Variants in CLYBL observed in about 807,000 individuals in gnomAD.
The protein encoded by CLYBL is citramalyl-CoA lyase.
CLYBL carries 31 observed loss-of-function variants against 38.9 expected under a neutral mutation model. That is an observed-to-expected ratio of 0.80 (90% CI 0.60 to 1.08). The LOEUF (loss-of-function observed/expected upper bound fraction) is 1.08. Among genes scored for constraint, CLYBL ranks in the 50% least tolerant of loss-of-function variants. CLYBL has a pLI of 0.00. For missense variants in CLYBL, 434 were observed against 411.6 expected, an observed-to-expected ratio of 1.05 and a Z score of -0.47; for synonymous variants, 171 against 158.6, an observed-to-expected ratio of 1.08 and a Z score of -0.59.
intron 2 of CLYBL, among the ~76,000 whole-genome samples, chr13:99,855,151 G>A (rs1383340234): frequency 3.9e-5 from 6 of 151,932 alleles, no homozygotes; most frequent in Non-Finnish European, 8.8e-5. Flanking sequence ...GTCATTTCCA[G>A]CTTGTCAGAT....
rs1235818934 is a variant in CLYBL, at chr13:99,849,912, G to A, written c.250-8949G>A. On this transcript the variant is annotated intron_variant, in intron 2 of 8. Transcript: ENST00000339105. The surrounding 1 kb of genome is among the most constrained non-coding windows in gnomAD (Gnocchi z 4.9). The stretch of plus-strand genomic sequence containing the variant: ...TTTTCTCTTTCCTGGGAATTTCATT[G>A]TATTTTGTTGAAAAATAAGGTGTGA... 1.3e-5 allele frequency among the ~76,000 whole-genome samples: 2 copies of A among 152,130 alleles called. No homozygotes were observed. The highest frequency in any genetic ancestry group is 1.3e-4 in the Admixed American group (2 of 15,272).
chr13:99,800,860 T>TGAGA (rs775517069), intron 2 of CLYBL, among the ~76,000 whole-genome samples: 1 of 142,008 alleles, frequency 7.0e-6, no homozygotes. Flanking sequence ...GGCGGCAGAG[T>TGAGA]GAGACCCTGT....
At chr13:99,776,142 T>G (rs1460300375) in intron 2 of CLYBL, among the ~76,000 whole-genome samples, 1 of 145,068 alleles carries the variant, frequency 6.9e-6, no homozygotes, top group South Asian at 2.2e-4. Flanking sequence ...CCAGCCTGGG[T>G]GACAGAGCAA....
chr13:99,825,183 A>G (rs988368074), intron 2 of CLYBL, among the ~76,000 whole-genome samples: 1 of 152,198 alleles, frequency 6.6e-6, no homozygotes, highest in Non-Finnish European at 1.5e-5. Context: ...TTAACAAGCA[A>G]CAAGCCCTGG....
At chr13:99,822,713 T>C (rs998249821) in intron 2 of CLYBL, among the ~76,000 whole-genome samples, 2 of 152,234 alleles carry the variant, frequency 1.3e-5, no homozygotes, top group African/African-American at 4.8e-5. Context: ...CCCCAAAGTG[T>C]TGAGGAATTG....
intron 3 of CLYBL, among the ~76,000 whole-genome samples, chr13:99,860,151 A>G (rs1381299483): frequency 6.6e-6 from 1 of 152,046 alleles, no homozygotes; most frequent in Non-Finnish European, 1.5e-5. Flanking sequence ...CAAAATACAC[A>G]CTCGATTTTG....
intron 1 of CLYBL, among the ~76,000 whole-genome samples, chr13:99,697,226 G>A (rs896185968): frequency 1.3e-5 from 2 of 152,204 alleles, no homozygotes; most frequent in Non-Finnish European, 2.9e-5. Flanking sequence ...AAGGGTAATT[G>A]TAAAGGGGTG....
intron 9 of CLYBL, among the ~76,000 whole-genome samples, chr13:99,905,721 G>GCTT (rs1305185714): frequency 4.4e-5 from 2 of 45,574 alleles, no homozygotes; most frequent in Admixed American, 2.1e-4. Context: ...TGTTGTTTTT[G>GCTT]CTTTTTTTTT....
chr13:99,817,660 AAAAAAAAAAAAAAG>A (rs2050483521), intron 2 of CLYBL, among the ~76,000 whole-genome samples: 1 of 148,822 alleles, frequency 6.7e-6, no homozygotes, highest in Non-Finnish European at 1.5e-5. Flanking sequence ...GTCTCAAAAA[AAAAAAAAAAAAAAG>A]AAAAGAAAAA....
chr13:99,617,105 C>G (rs1361319103), intron 1 of CLYBL, among the ~76,000 whole-genome samples: 1 of 152,078 alleles, frequency 6.6e-6, no homozygotes, highest in Admixed American at 6.5e-5. Flanking sequence ...GGAAGAATGA[C>G]CCTGGTGTCT....
At chr13:99,782,556 T>A (rs1399129055) in intron 2 of CLYBL, among the ~76,000 whole-genome samples, 4 of 152,154 alleles carry the variant, frequency 2.6e-5, no homozygotes, top group Non-Finnish European at 5.9e-5. Flanking sequence ...GGTACCTTGT[T>A]TTGGAACAGT....
chr13:99,811,529 GAGA>G (rs1445838472), intron 2 of CLYBL, among the ~76,000 whole-genome samples: 1 of 152,190 alleles, frequency 6.6e-6, no homozygotes, highest in Non-Finnish European at 1.5e-5. Flanking sequence ...CCCATCTGAT[GAGA>G]AGGAGGAAGC....
chr13:99,898,557 G>C (rs1352212757), downstream of CLYBL, among the ~76,000 whole-genome samples: 1 of 152,168 alleles, frequency 6.6e-6, no homozygotes, highest in Non-Finnish European at 1.5e-5. Context: ...CTTCTCCCAG[G>C]CTGGCAGAAG....
At chr13:99,677,020 T>G (rs940344313) in intron 1 of CLYBL, among the ~76,000 whole-genome samples, 3 of 151,874 alleles carry the variant, frequency 2.0e-5, no homozygotes, top group African/African-American at 7.3e-5. Flanking sequence ...AGAGCACAAA[T>G]TGTCCCCTTT....
intron 2 of CLYBL, among the ~76,000 whole-genome samples, chr13:99,840,975 G>A (rs1447494755): frequency 3.3e-5 from 5 of 151,910 alleles, no homozygotes; most frequent in African/African-American, 1.2e-4. Flanking sequence ...GATGGACAGA[G>A]GAAGAAATGG....
At chr13:99,792,944 C>T (rs1346043797) in intron 2 of CLYBL, among the ~76,000 whole-genome samples, 1 of 151,936 alleles carries the variant, frequency 6.6e-6, no homozygotes, top group Non-Finnish European at 1.5e-5. Context: ...AATTGCCATA[C>T]AGATGGAGGG....
intron 2 of CLYBL, among the ~76,000 whole-genome samples, chr13:99,854,346 T>C (rs2051404530): frequency 6.6e-6 from 1 of 151,640 alleles, no homozygotes; most frequent in South Asian, 2.1e-4. Context: ...GTTTATACTT[T>C]GTAGTTTTAT....
At chr13:99,820,901 A>G (rs1233366712) in intron 2 of CLYBL, among the ~76,000 whole-genome samples, 1 of 152,188 alleles carries the variant, frequency 6.6e-6, no homozygotes, top group African/African-American at 2.4e-5. Flanking sequence ...ATGTTGTTTC[A>G]TTGTTTATGT....
rs374351247 is a variant in CLYBL, at chr13:99,695,362, C to T, written c.63-77462C>T. ...TATTTAATACAAGTTTTATGTGACA[C>T]AGGAGGCTTCTGAAATGAAGCCTCA... On this transcript the variant is annotated intron_variant, in intron 1 of 8. Coordinates refer to ENST00000339105, the MANE Select transcript of CLYBL (RefSeq NM_206808.5). Among the ~76,000 whole-genome samples, 3 of 152,090 alleles carry T rather than the reference C, an allele frequency of 2.0e-5. No individual in the cohort carries two copies. The South Asian group carries it at 6.2e-4, about 32-fold the overall frequency.
Sources: allele counts gnomAD v4.1 joint callset (sites outside exome capture counted in the v4.1 genomes callset), GRCh38; gene constraint gnomAD v4.1.1; non-coding constraint Gnocchi (gnomAD v3.1); transcripts MANE v1.5; gene names NCBI Gene and HGNC (gene_info 2026-07-23, HGNC 2026-07-21).